Variants in CYP19A1 observed in about 807,000 individuals in gnomAD.
CYP19A1 encodes aromatase.
In CYP19A1, 32 loss-of-function variants were observed where a neutral mutation model predicts 44.4. That is an observed-to-expected ratio of 0.72 (90% CI 0.54 to 0.97). The LOEUF (loss-of-function observed/expected upper bound fraction) is 0.97. Ranked by LOEUF, CYP19A1 falls within the 50% of genes least tolerant of loss-of-function variation. The probability of loss-of-function intolerance (pLI) is 0.00; values close to 1 mark genes in which losing one functional copy is unlikely to be tolerated. For synonymous variants in CYP19A1, 212 were observed against 215.6 expected (o/e 0.98, Z 0.14); for missense variants, 598 against 637.8 (o/e 0.94, Z 0.67).
At chr15:51,255,339 C>CA (rs2034473493) in intron 1 of CYP19A1, among the ~76,000 whole-genome samples, 1 of 152,200 alleles carries the variant, frequency 6.6e-6, no homozygotes, top group Non-Finnish European at 1.5e-5. Context: ...AGGGTAGCCC[C>CA]AGTGCAGGTG....
chr15:51,261,282 G>A lies in CYP19A1; in HGVS notation c.-38-18332C>T, dbSNP rs144694882. Among the ~76,000 whole-genome samples, 530 of 152,262 alleles carry A rather than the reference G, an allele frequency of 3.5e-3. 13 individuals carry two copies. The highest frequency in any genetic ancestry group is 0.029 in the Admixed American group (449 of 15,294). ...AGAACCCCAGGTCAGACAACAAAAG[G>A]CTTGCCACCATCTTGGGAGTGGCCC... is the stretch of plus-strand genomic sequence containing the variant. On this transcript the variant is annotated intron_variant, in intron 1 of 9. Transcript: ENST00000396402.
chr15:51,295,793 G>A (rs991334525), intron 1 of CYP19A1, among the ~76,000 whole-genome samples: 6 of 152,266 alleles, frequency 3.9e-5, no homozygotes, highest in African/African-American at 9.6e-5. Context: ...GGATGGCTTC[G>A]GGGAGCCAGC....
At chr15:51,276,541 C>T (rs1337731740) in intron 1 of CYP19A1, among the ~76,000 whole-genome samples, 2 of 152,210 alleles carry the variant, frequency 1.3e-5, no homozygotes, top group Non-Finnish European at 2.9e-5. Context: ...CAAGTTACAT[C>T]TTGTAATTAT....
chr15:51,326,664 G>A (rs1030862735), intron 1 of CYP19A1, among the ~76,000 whole-genome samples: 3 of 152,138 alleles, frequency 2.0e-5, no homozygotes, highest in Admixed American at 1.3e-4. Context: ...AACAGAAAAT[G>A]TTCTTTTTTA....
At chr15:51,296,684 CAAT>C (rs1374485216) in intron 1 of CYP19A1, among the ~76,000 whole-genome samples, 1 of 152,194 alleles carries the variant, frequency 6.6e-6, no homozygotes, top group Non-Finnish European at 1.5e-5. Flanking sequence ...GAACATTAAA[CAAT>C]GATGGTAGAT....
intron 1 of CYP19A1, among the ~76,000 whole-genome samples, chr15:51,264,056 C>T (rs971260308): frequency 2.6e-5 from 4 of 151,932 alleles, no homozygotes; most frequent in Admixed American, 1.3e-4. Flanking sequence ...GAGCTAGATA[C>T]AAAAGAAAAT....
intron 1 of CYP19A1, among the ~76,000 whole-genome samples, chr15:51,287,160 A>G (rs996169054): frequency 2.6e-5 from 4 of 152,214 alleles, no homozygotes; most frequent in Admixed American, 2.6e-4. Flanking sequence ...GACTTTAGGA[A>G]TGAGCAAGAA....
At chr15:51,237,951 C>G (rs553629699) in intron 2 of CYP19A1, among the ~76,000 whole-genome samples, 3 of 152,298 alleles carry the variant, frequency 2.0e-5, no homozygotes, top group East Asian at 3.9e-4. Flanking sequence ...CATTCTGAAG[C>G]CAAAACATGC....
chr15:51,268,186 C>T (rs538020139), intron 1 of CYP19A1, among the ~76,000 whole-genome samples: 1 of 152,290 alleles, frequency 6.6e-6, no homozygotes, highest in African/African-American at 2.4e-5. Flanking sequence ...AACATATACA[C>T]ATGCACTTGT....
chr15:51,293,044 C>T (rs1028192439), intron 1 of CYP19A1, among the ~76,000 whole-genome samples: 11 of 151,464 alleles, frequency 7.3e-5, no homozygotes, highest in African/African-American at 2.7e-4. Flanking sequence ...CACAATTGGC[C>T]GAGCTGTGGG....
At chr15:51,247,318 C>A (rs2034105856) in intron 1 of CYP19A1, among the ~76,000 whole-genome samples, 1 of 152,152 alleles carries the variant, frequency 6.6e-6, no homozygotes, top group Admixed American at 6.5e-5. Flanking sequence ...TCCCTTCTTG[C>A]CTCTGTCTTC....
At chr15:51,297,474 AT>A (rs959188557) in intron 1 of CYP19A1, among the ~76,000 whole-genome samples, 3 of 151,930 alleles carry the variant, frequency 2.0e-5, no homozygotes, top group African/African-American at 7.3e-5. Context: ...TGCCTTCCTG[AT>A]TGTGTGACTC....
chr15:51,325,729 T>C (rs911119988), intron 1 of CYP19A1, among the ~76,000 whole-genome samples: 5 of 149,344 alleles, frequency 3.3e-5, no homozygotes, highest in Non-Finnish European at 5.9e-5. Flanking sequence ...TCCCAGCTAC[T>C]TGGGAGACTG....
chr15:51,337,335 G>T (rs1305794120), intron 1 of CYP19A1, among the ~76,000 whole-genome samples: 6 of 152,226 alleles, frequency 3.9e-5, no homozygotes, highest in Non-Finnish European at 8.8e-5. Flanking sequence ...CACACACAGT[G>T]TAAGTCTCAG....
intron 2 of CYP19A1, among the ~76,000 whole-genome samples, chr15:51,239,427 A>G (rs980339082): frequency 6.6e-6 from 1 of 152,192 alleles, no homozygotes; most frequent in African/African-American, 2.4e-5. Flanking sequence ...CAATTAAACC[A>G]TGAGATATTT....
intron 1 of CYP19A1, chr15:51,313,942 C>A (rs566856854): frequency 6.6e-6 from 1 of 152,270 alleles, no homozygotes; most frequent in African/African-American, 2.4e-5. Flanking sequence ...GTTCAACGCT[C>A]ACCTGGCTTA....
At chr15:51,216,608 G>C (rs1417779837) in intron 6 of CYP19A1, among the ~76,000 whole-genome samples, 1 of 152,094 alleles carries the variant, frequency 6.6e-6, no homozygotes, top group Non-Finnish European at 1.5e-5. Context: ...TGAGATTCCT[G>C]TTCTAAACAG....
Position 51,211,007 on chromosome 15 carries a change from G to T in CYP19A1, c.1313C>A (p.Ala438Glu). The T allele has an allele frequency of 6.3e-7, 1 of 1,589,578 alleles. No individual in the cohort carries two copies. The highest frequency in any genetic ancestry group is 2.2e-5 in the East Asian group (1 of 44,780). ...QPFGFGPRGC[A>E]GKYIAMVMMK... ...CATCACCATGGCGATGTACTTTCCT[G>T]CACAGCCACGGGGCCCAAAGCCAAA... Residue 438 changes from alanine to glutamate, a missense_variant, in exon 10 of 10, where the codon GCA becomes GAA. Physicochemically the swap from Ala to Glu is moderately radical, Grantham distance 107 (BLOSUM62 -1). Transcript: ENST00000396402.
At chr15:51,316,612 C>G (rs185655593) in intron 1 of CYP19A1, among the ~76,000 whole-genome samples, 1 of 151,678 alleles carries the variant, frequency 6.6e-6, no homozygotes, top group East Asian at 1.9e-4. Context: ...GGTATGGTGG[C>G]TCACCCCTGT....
Sources: allele counts gnomAD v4.1 joint callset (sites outside exome capture counted in the v4.1 genomes callset), GRCh38; gene constraint gnomAD v4.1.1; transcripts MANE v1.5; gene names NCBI Gene and HGNC (gene_info 2026-07-23, HGNC 2026-07-21).